PTBP3: variants seen among roughly 807,000 people sequenced by gnomAD.
PTBP3 encodes polypyrimidine tract binding protein 3.
A neutral mutation model predicts 58.7 loss-of-function variants in PTBP3; 20 were observed. The observed-to-expected ratio is 0.34, with a 90% CI of 0.24 to 0.50. The LOEUF is 0.50. Among genes scored for constraint, PTBP3 ranks in the 20% least tolerant of loss-of-function variants. The pLI, the probability that PTBP3 is intolerant of heterozygous loss-of-function variation, is 0.98. For missense variants in PTBP3, 509 were observed against 637.2 expected, an observed-to-expected ratio of 0.80 and a Z score of 2.17; for synonymous variants, 185 against 219.8, an observed-to-expected ratio of 0.84 and a Z score of 1.40.
intron 12 of PTBP3, among the ~76,000 whole-genome samples, chr9:112,226,063 T>A (rs979316657): frequency 5.9e-5 from 9 of 151,884 alleles, no homozygotes; most frequent in East Asian, 5.8e-4. Flanking sequence ...TATATTAATT[T>A]AAAAAAATTA....
At chr9:112,302,648 A>G (rs1763548931) in intron 1 of PTBP3, among the ~76,000 whole-genome samples, 4 of 141,198 alleles carry the variant, frequency 2.8e-5, no homozygotes, top group African/African-American at 1.0e-4. Flanking sequence ...GAGTACAGTG[A>G]CACGATCTTA....
intron 1 of PTBP3, among the ~76,000 whole-genome samples, chr9:112,328,069 A>T (rs1218039100): frequency 2.0e-5 from 3 of 152,182 alleles, no homozygotes; most frequent in African/African-American, 7.2e-5. Context: ...GAGTATTTTC[A>T]ATTCTTTTTT....
intron 7 of PTBP3, among the ~76,000 whole-genome samples, chr9:112,246,700 AAAAAAG>A (rs1229319087): frequency 2.6e-5 from 4 of 151,836 alleles, no homozygotes; most frequent in African/African-American, 4.8e-5. Flanking sequence ...CTCAAAAAAA[AAAAAAG>A]AAAAAGAAAA....
the PTBP3 span, among the ~76,000 whole-genome samples, chr9:112,374,742 T>C: frequency 1.3e-5 from 2 of 152,354 alleles, no homozygotes; most frequent in Admixed American, 1.3e-4. Context: ...GGATAAGGCA[T>C]TCTGTGAGTC....
chr9:112,331,535 T>G (rs555472167), intron 1 of PTBP3, among the ~76,000 whole-genome samples: 5 of 152,360 alleles, frequency 3.3e-5, no homozygotes, highest in Admixed American at 2.0e-4. Flanking sequence ...GATTTTTTAT[T>G]TTTCCTTGTA....
chr9:112,345,834 C>T, the PTBP3 span, among the ~76,000 whole-genome samples: 1 of 151,836 alleles, frequency 6.6e-6, no homozygotes, highest in South Asian at 2.1e-4. Flanking sequence ...TGTAGTATTG[C>T]CATAGGAATA....
At chr9:112,244,579 T>C (rs1273668893) in intron 7 of PTBP3, among the ~76,000 whole-genome samples, 1 of 151,900 alleles carries the variant, frequency 6.6e-6, no homozygotes, top group Non-Finnish European at 1.5e-5. Context: ...CTCAGGAGGC[T>C]GAGGTGGGAG....
chr9:112,333,513 C>A lies in PTBP3; in HGVS notation c.-95G>T. 1 of 1,583,368 alleles carries A rather than the reference C, an allele frequency of 6.3e-7. No individual in the cohort carries two copies. The highest frequency in any genetic ancestry group is 2.4e-5 in the East Asian group (1 of 41,570). Reference sequence around the variant, plus strand: ...GAGGCGCGCACAGAGCAGGGACTGACGGGCTAACCGCGAGCAGAGGAAGCA... The same window carrying A: ...GAGGCGCGCACAGAGCAGGGACTGAAGGGCTAACCGCGAGCAGAGGAAGCA... On this transcript the variant is annotated 5_prime_UTR_variant, in exon 1 of 14. Coordinates refer to ENST00000374257, the MANE Select transcript of PTBP3 (RefSeq NM_001163788.4).
the PTBP3 span, among the ~76,000 whole-genome samples, chr9:112,350,161 A>T: frequency 6.6e-6 from 1 of 152,014 alleles, no homozygotes; most frequent in African/African-American, 2.4e-5. Flanking sequence ...CATAAGTGGG[A>T]GCTAAGCTAT....
At chr9:112,289,182 T>A (rs1009219398) in intron 2 of PTBP3, among the ~76,000 whole-genome samples, 1 of 152,190 alleles carries the variant, frequency 6.6e-6, no homozygotes, top group African/African-American at 2.4e-5. Context: ...GTTCTTTTCT[T>A]TTCTCTTTTT....
At chr9:112,287,939 TTTTTTGGTTC>T (rs1828216612) in intron 2 of PTBP3, among the ~76,000 whole-genome samples, 3 of 152,196 alleles carry the variant, frequency 2.0e-5, no homozygotes, top group Non-Finnish European at 4.4e-5. Context: ...TGGGTCACAT[TTTTTTGGTTC>T]TTAACATGTC....
chr9:112,322,338 T>C (rs1587890869), intron 1 of PTBP3, among the ~76,000 whole-genome samples: 1 of 152,068 alleles, frequency 6.6e-6, no homozygotes, highest in East Asian at 1.9e-4. Flanking sequence ...TTACCTGGCC[T>C]ACCTAAGGGG....
the PTBP3 span, among the ~76,000 whole-genome samples, chr9:112,355,769 G>A: frequency 2.6e-5 from 4 of 151,686 alleles, no homozygotes; most frequent in African/African-American, 9.7e-5. Context: ...ACAGGCATGC[G>A]CCACCGCGCC....
At chr9:112,357,531 T>C in the PTBP3 span, among the ~76,000 whole-genome samples, 1 of 152,142 alleles carries the variant, frequency 6.6e-6, no homozygotes, top group African/African-American at 2.4e-5. Flanking sequence ...GTATTTTTTA[T>C]AGAGACAGGG....
In PTBP3 at chr9:112,222,080, G is replaced by A; in HGVS notation, c.*1771C>T. The A allele has an allele frequency of 1.0e-6, 1 of 982,354 alleles. No homozygotes were observed. The highest frequency in any genetic ancestry group is 1.7e-5 in the African/African-American group (1 of 57,250). 60.9% of individuals were successfully genotyped at this position (982,354 alleles called of 1,614,324 possible). The stretch of plus-strand genomic sequence containing the variant: ...CTGTAGCTGGGACTACAGGCGCACA[G>A]GCGCACACCACCATGCCCAGCAAGA... On this transcript the variant is annotated 3_prime_UTR_variant, in exon 14 of 14. Coordinates refer to ENST00000374257, the MANE Select transcript of PTBP3 (RefSeq NM_001163788.4).
At chr9:112,332,954 A>G (rs949058461) in intron 1 of PTBP3, 7 of 1,455,430 alleles carry the variant, frequency 4.8e-6, no homozygotes, top group South Asian at 1.5e-5. Context: ...GCGTGGGACC[A>G]TGGCTTGCGA....
At chr9:112,342,480 G>A in the PTBP3 span, among the ~76,000 whole-genome samples, 3 of 152,210 alleles carry the variant, frequency 2.0e-5, no homozygotes, top group Non-Finnish European at 4.4e-5. Flanking sequence ...ACTTTGGGAG[G>A]CCGAAGTGGG....
At chr9:112,330,475 CTG>C in intron 1 of PTBP3, 1 of 1,525,726 alleles carries the variant, frequency 6.6e-7, no homozygotes, top group Non-Finnish European at 8.9e-7. Flanking sequence ...TGTAACAACA[CTG>C]TATGGAAAAA....
At chr9:112,259,065 C>T (rs1836487956) in intron 5 of PTBP3, among the ~76,000 whole-genome samples, 1 of 152,170 alleles carries the variant, frequency 6.6e-6, no homozygotes, top group African/African-American at 2.4e-5. Flanking sequence ...TATCCTCCCA[C>T]CTTAGCCTCC....
Sources: gnomAD v4.1 joint callset for allele counts (sites outside exome capture counted in the v4.1 genomes callset) on GRCh38, gnomAD v4.1.1 for gene constraint, MANE v1.5 for transcripts, NCBI Gene and HGNC (gene_info 2026-07-23, HGNC 2026-07-21) for gene names.